ITIH5: variants seen among roughly 807,000 people sequenced by gnomAD.
The protein encoded by ITIH5 is inter-alpha-trypsin inhibitor heavy chain H5.
ITIH5 carries 65 observed loss-of-function variants against 77.5 expected under a neutral mutation model. The observed-to-expected ratio is 0.84, with a 90% CI of 0.69 to 1.03. The LOEUF is 1.03. Ranked by LOEUF, ITIH5 falls within the 50% of genes least tolerant of loss-of-function variation. ITIH5 has a pLI of 0.00. For synonymous variants in ITIH5, 525 were observed against 494.3 expected (o/e 1.06, Z -0.82); for missense variants, 1,208 against 1,213.1 (o/e 1.00, Z 0.06).
rs149756151 is a variant in ITIH5, at chr10:7,610,667, T to C, written c.939+5315A>G. On this transcript the variant is annotated intron_variant, in intron 7 of 13. Coordinates refer to ENST00000397146, the MANE Select transcript of ITIH5 (RefSeq NM_030569.7). Reference sequence around the variant, plus strand: ...CTCTTCACCAATAGACATAACATCATATACAAGACTCTTCAAAGAGCCAGC... The same window carrying C: ...CTCTTCACCAATAGACATAACATCACATACAAGACTCTTCAAAGAGCCAGC... 2.3e-4 allele frequency among the ~76,000 whole-genome samples: 35 copies of C among 152,340 alleles called. 1 individual carries two copies. The East Asian group carries it at 5.8e-3, about 25-fold the overall frequency.
chr10:7,581,557 G>A (rs917509223), intron 8 of ITIH5, among the ~76,000 whole-genome samples: 1 of 152,006 alleles, frequency 6.6e-6, no homozygotes, highest in African/African-American at 2.4e-5. Context: ...GGCTTCTGGA[G>A]TTCTAAATGT....
intron 11 of ITIH5, among the ~76,000 whole-genome samples, chr10:7,570,791 T>A (rs1450089927): frequency 2.0e-5 from 3 of 151,582 alleles, no homozygotes; most frequent in African/African-American, 7.3e-5. Context: ...CCAGGCTAAT[T>A]TTTTATTTTT....
intron 7 of ITIH5, among the ~76,000 whole-genome samples, chr10:7,613,709 G>A (rs764340070): frequency 6.6e-6 from 1 of 152,150 alleles, no homozygotes; most frequent in Non-Finnish European, 1.5e-5. Context: ...ATTTTAAGAG[G>A]TGAGCTCAGC....
At chr10:7,652,644 T>A (rs974399738) in intron 2 of ITIH5, among the ~76,000 whole-genome samples, 4 of 152,228 alleles carry the variant, frequency 2.6e-5, no homozygotes, top group African/African-American at 9.6e-5. Flanking sequence ...AGAAAATCTT[T>A]GTACCCTTAG....
At chr10:7,576,151 A>T (rs1256088382) in intron 10 of ITIH5, among the ~76,000 whole-genome samples, 1 of 152,076 alleles carries the variant, frequency 6.6e-6, no homozygotes, top group Non-Finnish European at 1.5e-5. Flanking sequence ...CAGCCTCCTG[A>T]GTAGCTGAGA....
At chr10:7,595,218 C>G (rs1425644010) in intron 7 of ITIH5, among the ~76,000 whole-genome samples, 1 of 151,278 alleles carries the variant, frequency 6.6e-6, no homozygotes, top group Non-Finnish European at 1.5e-5. Context: ...GACCCTAGCT[C>G]TAAAATGTAA....
chr10:7,626,502 A>G (rs1017498764), intron 5 of ITIH5, among the ~76,000 whole-genome samples: 8 of 152,228 alleles, frequency 5.3e-5, no homozygotes, highest in African/African-American at 1.9e-4. Flanking sequence ...TTCCTGGCAA[A>G]GGTACAGAGA....
At chr10:7,580,575 A>G (rs1185643036) in intron 8 of ITIH5, among the ~76,000 whole-genome samples, 1 of 152,252 alleles carries the variant, frequency 6.6e-6, no homozygotes, top group Non-Finnish European at 1.5e-5. Context: ...AACCTTCTCC[A>G]GAAGGCATGT....
intron 7 of ITIH5, among the ~76,000 whole-genome samples, chr10:7,598,107 G>A (rs1832943761): frequency 6.6e-6 from 1 of 151,408 alleles, no homozygotes; most frequent in South Asian, 2.1e-4. Context: ...TAACACTTCA[G>A]GGGGTTATGA....
chr10:7,583,674 C>T (rs538826242), intron 8 of ITIH5, among the ~76,000 whole-genome samples: 29 of 152,296 alleles, frequency 1.9e-4, no homozygotes, highest in African/African-American at 6.0e-4. Context: ...TTCTTAGTGC[C>T]CCTGGATGTG....
chr10:7,603,176 C>T (rs560769737), intron 7 of ITIH5, among the ~76,000 whole-genome samples: 25 of 152,192 alleles, frequency 1.6e-4, no homozygotes, highest in Admixed American at 3.3e-4. Flanking sequence ...TGCTAAAAAA[C>T]GCGTGGTATA....
At chr10:7,607,812 C>A (rs1158759416) in intron 7 of ITIH5, among the ~76,000 whole-genome samples, 1 of 152,146 alleles carries the variant, frequency 6.6e-6, no homozygotes, top group Non-Finnish European at 1.5e-5. Flanking sequence ...GAAGCTCAGT[C>A]TCGAAAGAAG....
At chr10:7,604,327 C>T (rs1202339889) in intron 7 of ITIH5, among the ~76,000 whole-genome samples, 1 of 152,172 alleles carries the variant, frequency 6.6e-6, no homozygotes, top group African/African-American at 2.4e-5. Context: ...CCAGCTTCAT[C>T]AGGGGTCTCA....
chr10:7,644,772 TATATATCAC>T (rs1833970426), intron 2 of ITIH5, among the ~76,000 whole-genome samples: 1 of 141,992 alleles, frequency 7.0e-6, no homozygotes, highest in African/African-American at 2.6e-5. Flanking sequence ...ATATATATCA[TATATATCAC>T]ATATATATCA....
chr10:7,649,067 C>G (rs564102739), intron 2 of ITIH5, among the ~76,000 whole-genome samples: 1 of 152,264 alleles, frequency 6.6e-6, no homozygotes, highest in East Asian at 1.9e-4. Context: ...GTCTATCCCC[C>G]TCCCAGTTAC....
intron 1 of ITIH5, 29 bp downstream of exon 1, chr10:7,666,774 G>A: frequency 1.3e-6 from 2 of 1,581,766 alleles, no homozygotes; most frequent in Non-Finnish European, 1.7e-6. Flanking sequence ...GGCCGCGCCC[G>A]GGACCCGGCT....
At chr10:7,657,927 C>A (rs1005668428) in intron 1 of ITIH5, among the ~76,000 whole-genome samples, 3 of 152,204 alleles carry the variant, frequency 2.0e-5, no homozygotes, top group Non-Finnish European at 4.4e-5. Context: ...AGAGCTGCCC[C>A]ACTGCTGACC....
intron 7 of ITIH5, among the ~76,000 whole-genome samples, chr10:7,611,871 A>C (rs937635280): frequency 2.0e-5 from 3 of 151,084 alleles, no homozygotes; most frequent in Admixed American, 1.3e-4. Flanking sequence ...TAGGCTTAGA[A>C]AGTTTCTTCC....
At chr10:7,564,327 G>A (rs544226500) in intron 13 of ITIH5, among the ~76,000 whole-genome samples, 13 of 152,152 alleles carry the variant, frequency 8.5e-5, no homozygotes, top group Admixed American at 1.3e-4. Flanking sequence ...TATAGTAATC[G>A]AATTTTCATA....
Sources: gnomAD v4.1 joint callset for allele counts (sites outside exome capture counted in the v4.1 genomes callset) on GRCh38, gnomAD v4.1.1 for gene constraint, MANE v1.5 for transcripts, NCBI Gene and HGNC (gene_info 2026-07-23, HGNC 2026-07-21) for gene names.